Variants in PPP2R1B observed in about 807,000 individuals in gnomAD.
The protein encoded by PPP2R1B is protein phosphatase 2 scaffold subunit Abeta.
Under a neutral mutation model 72.7 loss-of-function variants are expected in PPP2R1B, and 58 were observed. That is an observed-to-expected ratio of 0.80 (90% confidence interval 0.65 to 0.99). PPP2R1B has a LOEUF of 0.99. Ranked by LOEUF, PPP2R1B falls within the 50% of genes least tolerant of loss-of-function variation. The probability of loss-of-function intolerance (pLI) is 0.00; values close to 1 mark genes in which losing one functional copy is unlikely to be tolerated. For missense variants in PPP2R1B, 695 were observed against 733.6 expected, an observed-to-expected ratio of 0.95 and a Z score of 0.61; for synonymous variants, 256 against 264.6, an observed-to-expected ratio of 0.97 and a Z score of 0.32.
the PPP2R1B span, chr11:111,705,150 C>T: frequency 6.4e-7 from 1 of 1,550,644 alleles, no homozygotes; most frequent in Non-Finnish European, 8.6e-7. The surrounding 1 kb of genome is among the most constrained non-coding windows in gnomAD (Gnocchi z 4.3). Flanking sequence ...GTAATGCCCC[C>T]TTAGCTGAGA....
At chr11:111,733,985 G>A (rs1012483933), downstream of PPP2R1B, among the ~76,000 whole-genome samples, 3 of 152,118 alleles carry the variant, frequency 2.0e-5, no homozygotes, top group South Asian at 2.1e-4. Flanking sequence ...CAGAGGCCTC[G>A]GCCCCTGGCG....
chr11:111,748,673 C>T (rs966557659), intron 10 of PPP2R1B, among the ~76,000 whole-genome samples: 1 of 152,202 alleles, frequency 6.6e-6, no homozygotes. Flanking sequence ...GGGGCTTCCA[C>T]ACCACATGGA....
At chr11:111,713,966 C>CA in the PPP2R1B span, among the ~76,000 whole-genome samples, 18 of 147,508 alleles carry the variant, frequency 1.2e-4, no homozygotes, top group African/African-American at 2.5e-4. Context: ...GACTGCATCT[C>CA]AAAAAAAAAA....
chr11:111,757,631 C>T lies in PPP2R1B; in HGVS notation c.687+2173G>A, dbSNP rs1350128457. On this transcript the variant is annotated intron_variant, in intron 5 of 14. Coordinates refer to ENST00000527614, the MANE Select transcript of PPP2R1B (RefSeq NM_002716.5). ...CGGACAGATCACAAGGTCAGGAGTT[C>T]GAGACCAGCCTACCCAACACAGTGA... Among the ~76,000 whole-genome samples, 3 of 151,860 alleles carry T rather than the reference C, an allele frequency of 2.0e-5. No individual in the cohort carries two copies. In the South Asian group the frequency reaches 6.2e-4, roughly 32 times the overall value.
Position 111,764,913 on chromosome 11 carries a change from T to TGAC in PPP2R1B, c.206-11_206-9dup. ...CTTCATCATAAATTGTATCTGGAAG[T>TGAC]GACAACAACAGGACTCATCAACATG... is the stretch of plus-strand genomic sequence containing the variant. On this transcript the variant is annotated splice_polypyrimidine_tract_variant and intron_variant, in intron 2 of 14. Transcript: ENST00000527614. 1.2e-6 allele frequency: 2 copies of TGAC among 1,613,342 alleles called. No individual in the cohort carries two copies. Among genetic ancestry groups the TGAC allele is most frequent in the Non-Finnish European group, 1.7e-6 (2 of 1,179,934 alleles).
the PPP2R1B span, among the ~76,000 whole-genome samples, chr11:111,712,756 CTTTA>C: frequency 1.3e-5 from 2 of 152,176 alleles, no homozygotes; most frequent in South Asian, 2.1e-4. Context: ...CCAAATTGGG[CTTTA>C]TTTGATTACT....
At chr11:111,724,075 T>C (rs994502820), downstream of PPP2R1B, 15 of 1,613,726 alleles carry the variant, frequency 9.3e-6, no homozygotes, top group Admixed American at 1.7e-5. Context: ...TCTTTGATTG[T>C]GAAATGCTAG....
rs1944465007 is a variant in PPP2R1B at position 111,740,011 on chromosome 11, T to C, written c.*1585A>G. ...GTAAAACTTGGTTTTATGTAACAAA[T>C]ATACAAAGTCTTAGAGGAGTCTTTG... On this transcript the variant is annotated 3_prime_UTR_variant, in exon 15 of 15. Coordinates refer to ENST00000527614, the MANE Select transcript of PPP2R1B (RefSeq NM_002716.5). 1.0e-6 allele frequency: 1 copy of C among 982,282 alleles called. No homozygotes were observed. The highest frequency in any genetic ancestry group is 1.2e-6 in the Non-Finnish European group (1 of 827,232). The allele number at this position is 982,282 out of a possible 1,614,324, so 60.8% of individuals were successfully genotyped here.
chr11:111,691,418 G>C, the PPP2R1B span, among the ~76,000 whole-genome samples: 1 of 152,100 alleles, frequency 6.6e-6, no homozygotes. Flanking sequence ...CCAGTTACTA[G>C]ATGAGAAAGC....
chr11:111,761,955 T>C (rs1358265333), intron 3 of PPP2R1B, among the ~76,000 whole-genome samples: 13 of 149,638 alleles, frequency 8.7e-5, no homozygotes, highest in Admixed American at 8.0e-4. Flanking sequence ...GTGAGGCTCT[T>C]GTCTCAAAAA....
intron 9 of PPP2R1B, 56 bp from the exon 10 acceptor site, chr11:111,752,388 C>T: frequency 1.3e-6 from 2 of 1,496,150 alleles, no homozygotes; most frequent in African/African-American, 2.8e-5. Flanking sequence ...CTCTGCCCAA[C>T]AGTCTCCTGT....
At chr11:111,726,673 C>T, downstream of PPP2R1B, 1 of 422,118 alleles carries the variant, frequency 2.4e-6, no homozygotes, top group Non-Finnish European at 4.3e-6. Flanking sequence ...ACTAGTGACC[C>T]ATGGAAGCTT....
At chr11:111,734,772 TC>T (rs1381309287), downstream of PPP2R1B, among the ~76,000 whole-genome samples, 1 of 152,258 alleles carries the variant, frequency 6.6e-6, no homozygotes, top group East Asian at 1.9e-4. Flanking sequence ...CTTAAGGAGC[TC>T]CTCCCCTTCA....
chr11:111,754,177 A>T (rs992873484), intron 8 of PPP2R1B, among the ~76,000 whole-genome samples: 8 of 152,154 alleles, frequency 5.3e-5, no homozygotes, highest in African/African-American at 1.9e-4. Flanking sequence ...TCAGCGTCCC[A>T]AAGTGCTTGG....
In PPP2R1B at chr11:111,737,994, C is replaced by A; in HGVS notation, c.*3602G>T. 1 of 1,010,976 alleles carries A rather than the reference C, an allele frequency of 9.9e-7. No homozygotes were observed. The highest frequency in any genetic ancestry group is 1.2e-6 in the Non-Finnish European group (1 of 844,198). 62.6% of individuals were successfully genotyped at this position (1,010,976 alleles called of 1,614,324 possible). On this transcript the variant is annotated 3_prime_UTR_variant, in exon 15 of 15. Transcript: ENST00000527614. ...CCGGAAGATTTCCATCCCAACTGAA[C>A]GTTATGTAATTTCCTGGAAACAGCA...
In PPP2R1B at chr11:111,766,339, C is replaced by A; in HGVS notation, c.23G>T (p.Gly8Val). The A allele has an allele frequency of 6.3e-7, 1 of 1,589,216 alleles. No homozygotes were observed. Among genetic ancestry groups the A allele is most frequent in the African/African-American group, 1.5e-5 (1 of 68,516 alleles). ...TCCACCCGCTGCTCCTGGGCCGGTC[C>A]CGAGCTCTGATGCGCCCGCCATGTT... MAGASELGTGPGAAGGDG... is the reference protein window; with the variant it reads MAGASELVTGPGAAGGDG... Residue 8 changes from glycine (G) to valine (V), a missense_variant, in exon 1 of 15, where the codon GGG (glycine) becomes GTG (valine). Coordinates refer to ENST00000527614, the MANE Select transcript of PPP2R1B (RefSeq NM_002716.5).
Position 111,747,537 on chromosome 11 carries a change from T to C in PPP2R1B, c.1399+417A>G, listed in dbSNP as rs144761259. On this transcript the variant is annotated intron_variant, in intron 11 of 14. Coordinates refer to ENST00000527614, the MANE Select transcript of PPP2R1B (RefSeq NM_002716.5). ...CTCACTGTAGATCTCCTCTTCTATG[T>C]CACCTCAAAAAGCCAAGTAGCCATT... 6.2e-3 allele frequency among the ~76,000 whole-genome samples: 946 copies of C among 152,258 alleles called. 8 individuals are homozygous for C. Among genetic ancestry groups the C allele is most frequent in the Middle Eastern group, 0.017 (5 of 294 alleles).
rs567937504 is a variant in PPP2R1B, at chr11:111,752,140, T to A, written c.1338+19A>T. The A allele has an allele frequency of 1.9e-6, 3 of 1,585,466 alleles. No individual in the cohort carries two copies. The highest frequency in any genetic ancestry group is 2.7e-5 in the African/African-American group (2 of 74,008). On this transcript the variant is annotated intron_variant, in intron 10 of 14. Coordinates refer to ENST00000527614, the MANE Select transcript of PPP2R1B (RefSeq NM_002716.5). ...CTATCTGACACTACCCTGCAGTTCATGGAGCAACACATACTCACCAGCTGG... is the reference window on the plus strand; with the variant it reads ...CTATCTGACACTACCCTGCAGTTCAAGGAGCAACACATACTCACCAGCTGG...
At chr11:111,758,266 C>T (rs987295722) in intron 5 of PPP2R1B, among the ~76,000 whole-genome samples, 1 of 152,176 alleles carries the variant, frequency 6.6e-6, no homozygotes, top group Non-Finnish European at 1.5e-5. Context: ...TGTTGTAAAG[C>T]ACTGTTTTAA....
Sources: allele counts gnomAD v4.1 joint callset (sites outside exome capture counted in the v4.1 genomes callset), GRCh38; gene constraint gnomAD v4.1.1; non-coding constraint Gnocchi (gnomAD v3.1); transcripts MANE v1.5; gene names NCBI Gene and HGNC (gene_info 2026-07-23, HGNC 2026-07-21).